The following ZHX3 variants were observed in gnomAD, a reference collection of about 807,000 sequenced individuals.
ZHX3 encodes the protein zinc fingers and homeoboxes protein 3.
Under a neutral mutation model 64.5 loss-of-function variants are expected in ZHX3, and 20 were observed. The ratio of observed to expected loss-of-function variants is 0.31; its 90% confidence interval spans 0.22 to 0.45. The LOEUF (loss-of-function observed/expected upper bound fraction) is 0.45. Among genes scored for constraint, ZHX3 ranks in the 20% least tolerant of loss-of-function variants. The pLI, the probability that ZHX3 is intolerant of heterozygous loss-of-function variation, is 1.00. For synonymous variants in ZHX3, 423 were observed against 461.6 expected (o/e 0.92, Z 1.07); for missense variants, 1,041 against 1,195.8 (o/e 0.87, Z 1.91).
chr20:41,198,862 T>C (rs1228907971), intron 3 of ZHX3, among the ~76,000 whole-genome samples: 2 of 152,166 alleles, frequency 1.3e-5, no homozygotes, highest in Non-Finnish European at 2.9e-5. Context: ...TATGAATATA[T>C]GAGTACATTA....
chr20:41,222,360 TTGTGAAAAAAGCAAAGCAAATCTGTGC>T (rs1348143420), intron 2 of ZHX3, among the ~76,000 whole-genome samples: 2 of 152,122 alleles, frequency 1.3e-5, no homozygotes, highest in African/African-American at 2.4e-5. Context: ...CTGGGAAGCT[TTGTGAAAAAAGCAAAGCAAATCTGTGC>T]TGCTAAAACT....
At chr20:41,279,843 C>A (rs1046245992) in intron 1 of ZHX3, among the ~76,000 whole-genome samples, 1 of 152,152 alleles carries the variant, frequency 6.6e-6, no homozygotes, top group African/African-American at 2.4e-5. Flanking sequence ...GTGAATATAA[C>A]CATAGAACCC....
intron 1 of ZHX3, among the ~76,000 whole-genome samples, chr20:41,300,909 CA>C (rs1226362189): frequency 2.0e-5 from 3 of 152,158 alleles, no homozygotes; most frequent in Non-Finnish European, 4.4e-5. Context: ...GAGGGCCTTT[CA>C]AGGCAGAAGT....
At position 41,270,274 on chromosome 20, in the gene ZHX3, G is replaced by A. The variant is rs2043068745; in HGVS notation, c.-244-1191C>T. On this transcript the variant is annotated intron_variant, in intron 1 of 3. Coordinates refer to ENST00000683867, the MANE Select transcript of ZHX3 (RefSeq NM_001384317.1). ...GTGCGCCTGTAATCCCAGCTACTCA[G>A]GGGGCTGAGGCAGAAGACTTGAACC... Among the ~76,000 whole-genome samples the A allele has an allele frequency of 2.7e-5, 4 of 150,902 alleles. No homozygotes were observed. The Admixed American group carries it at 2.7e-4, about 10-fold the overall frequency.
intron 1 of ZHX3, among the ~76,000 whole-genome samples, chr20:41,295,845 C>T (rs1415230995): frequency 1.3e-5 from 2 of 148,704 alleles, no homozygotes; most frequent in Non-Finnish European, 3.0e-5. Flanking sequence ...AACGAGACTC[C>T]GTCTCAAAAA....
chr20:41,203,185 G>C lies in ZHX3; in HGVS notation c.1732C>G (p.Pro578Ala), dbSNP rs2038396027. ...IDSVPEVSFSPSSKVPEVTCI... is the reference protein window; with the variant it reads ...IDSVPEVSFSASSKVPEVTCI... ...GTTACCTCAGGGACCTTGGACGATG[G>C]GGAGAAGGACACCTCTGGCACAGAG... Residue 578 changes from proline (P) to alanine (A), a missense_variant, in exon 3 of 4, where the codon CCA (proline) becomes GCA (alanine). Pro to Ala is a conservative substitution (Grantham distance 27). Transcript: ENST00000683867. This position sits in a 1 kb window ranked among gnomAD's most constrained non-coding sequence, Gnocchi z 7.1. 2 of 1,614,000 alleles carry C rather than the reference G, an allele frequency of 1.2e-6. No homozygotes were observed. The highest frequency in any genetic ancestry group is 1.1e-5 in the South Asian group (1 of 91,078).
At chr20:41,221,446 C>T (rs563906077) in intron 2 of ZHX3, among the ~76,000 whole-genome samples, 3 of 152,038 alleles carry the variant, frequency 2.0e-5, no homozygotes, top group Non-Finnish European at 4.4e-5. Flanking sequence ...AAAAGATAGT[C>T]AATTCATTTA....
At chr20:41,230,569 G>T (rs1456586134) in intron 2 of ZHX3, among the ~76,000 whole-genome samples, 1 of 152,072 alleles carries the variant, frequency 6.6e-6, no homozygotes, top group Non-Finnish European at 1.5e-5. Context: ...ATACAGACCA[G>T]ATTTCAAAGA....
At chr20:41,261,463 A>ACTT (rs946811559) in intron 2 of ZHX3, among the ~76,000 whole-genome samples, 1 of 152,176 alleles carries the variant, frequency 6.6e-6, no homozygotes, top group Non-Finnish European at 1.5e-5. Flanking sequence ...GAGGGAGCTG[A>ACTT]CTTAGGTTGT....
At chr20:41,288,946 G>C (rs2044079638) in intron 1 of ZHX3, among the ~76,000 whole-genome samples, 1 of 142,906 alleles carries the variant, frequency 7.0e-6, no homozygotes, top group Non-Finnish European at 1.5e-5. Context: ...AAACTTTTTA[G>C]AAGAATCAGC....
chr20:41,221,330 A>G (rs2039931855), intron 2 of ZHX3, among the ~76,000 whole-genome samples: 1 of 152,226 alleles, frequency 6.6e-6, no homozygotes, highest in African/African-American at 2.4e-5. Flanking sequence ...AAAAATATGG[A>G]TCAATGCTCT....
chr20:41,305,232 A>T (rs1328690283), intron 1 of ZHX3, among the ~76,000 whole-genome samples: 1 of 152,218 alleles, frequency 6.6e-6, no homozygotes, highest in Non-Finnish European at 1.5e-5. Flanking sequence ...AAAACAACAG[A>T]AAGTTGGCTG....
In ZHX3 at chr20:41,184,796, T is replaced by C; in HGVS notation, c.*395A>G. 8.1e-7 allele frequency: 1 copy of C among 1,239,370 alleles called. No individual in the cohort carries two copies. Among genetic ancestry groups the C allele is most frequent in the Non-Finnish European group, 1.1e-6 (1 of 915,816 alleles). 76.8% of individuals were successfully genotyped at this position (1,239,370 alleles called of 1,614,324 possible). Reference sequence around the variant, plus strand: ...GATGACGTAACTGACAATGCACTGCTTGGCTAACCAAAGTTTCTACGTAAT... The same window carrying C: ...GATGACGTAACTGACAATGCACTGCCTGGCTAACCAAAGTTTCTACGTAAT... On this transcript the variant is annotated 3_prime_UTR_variant, in exon 4 of 4. Coordinates refer to ENST00000683867, the MANE Select transcript of ZHX3 (RefSeq NM_001384317.1).
chr20:41,292,535 G>A (rs1026351887), intron 1 of ZHX3, among the ~76,000 whole-genome samples: 3 of 152,292 alleles, frequency 2.0e-5, no homozygotes, highest in Non-Finnish European at 4.4e-5. Context: ...GGAGAAAAGG[G>A]AGTTCAGGTG....
rs1196926855 is a variant in ZHX3 at position 41,196,384 on chromosome 20, AAT to A, written c.2860+5671_2860+5672del. Reference sequence around the variant, plus strand: ...TAAATATATATATTTATATAACATAAATATATATTTATATATATTATATATTA... The same window carrying A: ...TAAATATATATATTTATATAACATAAATATATTTATATATATTATATATTA... On this transcript the variant is annotated intron_variant, in intron 3 of 3. Transcript: ENST00000683867. Among the ~76,000 whole-genome samples, 66 of 66,540 alleles carry A rather than the reference AAT, an allele frequency of 9.9e-4. 1 individual carries two copies. Among genetic ancestry groups the A allele is most frequent in the African/African-American group, 5.1e-3 (61 of 11,910 alleles). The allele number at this position is 66,540 out of a possible 152,430, so 43.7% of individuals were successfully genotyped here. A position where few individuals can be genotyped will look rare whatever the true frequency, so the allele number is the denominator to read the frequency against.
chr20:41,268,056 C>T (rs989648421), intron 2 of ZHX3, among the ~76,000 whole-genome samples: 6 of 152,080 alleles, frequency 3.9e-5, no homozygotes, highest in Non-Finnish European at 8.8e-5. Context: ...GGAAGGTGCC[C>T]ACCACAAGAC....
intron 2 of ZHX3, among the ~76,000 whole-genome samples, chr20:41,234,376 AT>A (rs2040824540): frequency 6.6e-6 from 1 of 152,194 alleles, no homozygotes; most frequent in African/African-American, 2.4e-5. Flanking sequence ...ATGATCCCAA[AT>A]ACCTTTGTCT....
At chr20:41,214,551 A>C (rs1600802771) in intron 2 of ZHX3, among the ~76,000 whole-genome samples, 1 of 152,232 alleles carries the variant, frequency 6.6e-6, no homozygotes, top group Non-Finnish European at 1.5e-5. Flanking sequence ...TTATTAAGAA[A>C]AAGTTCAAAC....
At chr20:41,222,546 C>T (rs2040012160) in intron 2 of ZHX3, among the ~76,000 whole-genome samples, 1 of 152,214 alleles carries the variant, frequency 6.6e-6, no homozygotes, top group South Asian at 2.1e-4. Context: ...CCAAAAGCTG[C>T]TCAAATCTAC....
Sources: allele counts gnomAD v4.1 joint callset (sites outside exome capture counted in the v4.1 genomes callset), GRCh38; gene constraint gnomAD v4.1.1; non-coding constraint Gnocchi (gnomAD v3.1); transcripts MANE v1.5; gene names NCBI Gene and HGNC (gene_info 2026-07-23, HGNC 2026-07-21).